Variants in CTNND2 observed in about 807,000 individuals in gnomAD.
The protein encoded by CTNND2 is catenin delta-2.
Under a neutral mutation model 144.4 loss-of-function variants are expected in CTNND2, and 22 were observed. The ratio of observed to expected loss-of-function variants is 0.15; its 90% CI spans 0.11 to 0.22. The LOEUF is 0.22. Among genes scored for constraint, CTNND2 ranks in the 10% least tolerant of loss-of-function variants. CTNND2 has a pLI of 1.00. For missense variants in CTNND2, 1,353 were observed against 1,618.8 expected, an observed-to-expected ratio of 0.84 and a Z score of 2.82; for synonymous variants, 751 against 695.6, an observed-to-expected ratio of 1.08 and a Z score of -1.25.
chr5:11,456,546 C>T (rs915480251), intron 3 of CTNND2, among the ~76,000 whole-genome samples: 1 of 152,088 alleles, frequency 6.6e-6, no homozygotes, highest in African/African-American at 2.4e-5. Flanking sequence ...ATCTATATTT[C>T]AACCCCAATA....
chr5:11,758,678 G>T (rs1789088249), intron 1 of CTNND2, among the ~76,000 whole-genome samples: 2 of 151,936 alleles, frequency 1.3e-5, no homozygotes, highest in Admixed American at 1.3e-4. Context: ...GTAAATCTTA[G>T]ATATGAGTAA....
intron 12 of CTNND2, among the ~76,000 whole-genome samples, chr5:11,148,645 G>A (rs1757463771): frequency 1.3e-5 from 2 of 152,328 alleles, no homozygotes; most frequent in Admixed American, 1.3e-4. Flanking sequence ...TGGTGCTTTG[G>A]TGCTGTCTTT....
chr5:11,769,658 G>A (rs575419574), intron 1 of CTNND2, among the ~76,000 whole-genome samples: 8 of 152,222 alleles, frequency 5.3e-5, no homozygotes, highest in African/African-American at 1.7e-4. Flanking sequence ...TATAAAACAA[G>A]ATGGTAACCA....
intron 3 of CTNND2, among the ~76,000 whole-genome samples, chr5:11,539,282 T>C (rs1774503479): frequency 1.3e-5 from 2 of 152,162 alleles, no homozygotes; most frequent in African/African-American, 2.4e-5. Context: ...TCCGGGTGAC[T>C]GACGCCTGTC....
chr5:11,133,793 C>G (rs6881497), intron 12 of CTNND2, among the ~76,000 whole-genome samples: 93,860 of 152,092 alleles, frequency 0.62, 29,031 homozygotes, highest in East Asian at 0.74. Context: ...TTGGAAAATG[C>G]GTTAACAGGG....
intron 2 of CTNND2, among the ~76,000 whole-genome samples, chr5:11,655,035 C>T (rs1019743129): frequency 6.6e-6 from 1 of 151,936 alleles, no homozygotes; most frequent in Non-Finnish European, 1.5e-5. Flanking sequence ...TCTTGCTGCC[C>T]TGTTGGAAGA....
intron 16 of CTNND2, among the ~76,000 whole-genome samples, chr5:11,057,280 C>G (rs1435606103): frequency 6.6e-6 from 1 of 152,136 alleles, no homozygotes; most frequent in Non-Finnish European, 1.5e-5. Context: ...GTGTCCCCAC[C>G]CAAATCTCAT....
chr5:11,737,186 A>C (rs796467773), intron 1 of CTNND2, among the ~76,000 whole-genome samples: 84 of 152,296 alleles, frequency 5.5e-4, no homozygotes, highest in African/African-American at 2.0e-3. Flanking sequence ...GCCCACTGGA[A>C]AGGTCATGAG....
intron 9 of CTNND2, among the ~76,000 whole-genome samples, chr5:11,325,839 GCCAGC>G (rs758123239): frequency 3.3e-5 from 5 of 151,968 alleles, no homozygotes; most frequent in Non-Finnish European, 7.4e-5. Flanking sequence ...AAAGCAACTG[GCCAGC>G]ATTCCTTCAA....
intron 3 of CTNND2, among the ~76,000 whole-genome samples, chr5:11,523,189 G>C (rs1445129080): frequency 6.6e-6 from 1 of 152,100 alleles, no homozygotes; most frequent in Non-Finnish European, 1.5e-5. Context: ...TTTTTCCAAG[G>C]CTTGTTCCAG....
At chr5:11,740,119 G>GT (rs576453830) in intron 1 of CTNND2, among the ~76,000 whole-genome samples, 6 of 152,238 alleles carry the variant, frequency 3.9e-5, no homozygotes, top group African/African-American at 1.4e-4. Flanking sequence ...ACTGCCCAAG[G>GT]TAATTTATAG....
At chr5:11,276,684 T>C (rs2149987827) in intron 9 of CTNND2, among the ~76,000 whole-genome samples, 1 of 152,318 alleles carries the variant, frequency 6.6e-6, no homozygotes, top group East Asian at 1.9e-4. Context: ...TTTGCAAATG[T>C]AATTGAGTTT....
At chr5:11,416,779 A>G (rs1245181410) in intron 3 of CTNND2, among the ~76,000 whole-genome samples, 1 of 152,212 alleles carries the variant, frequency 6.6e-6, no homozygotes, top group African/African-American at 2.4e-5. Context: ...TGCATGTTCA[A>G]CTTCAGGAAA....
intron 2 of CTNND2, among the ~76,000 whole-genome samples, chr5:11,646,922 C>T (rs946341715): frequency 6.6e-6 from 1 of 152,178 alleles, no homozygotes; most frequent in African/African-American, 2.4e-5. Flanking sequence ...AGTCTCCCTG[C>T]ACACACAGTG....
intron 3 of CTNND2, among the ~76,000 whole-genome samples, chr5:11,450,983 G>A (rs2149912618): frequency 6.7e-6 from 1 of 149,318 alleles, no homozygotes; most frequent in Non-Finnish European, 1.5e-5. Context: ...CAAAAAATAT[G>A]TTCAATCATT....
chr5:11,882,706 A>G (rs1736217587), intron 1 of CTNND2, among the ~76,000 whole-genome samples: 1 of 152,074 alleles, frequency 6.6e-6, no homozygotes, highest in Non-Finnish European at 1.5e-5. Flanking sequence ...ACTGGTTACT[A>G]TAGATTTATA....
intron 18 of CTNND2, among the ~76,000 whole-genome samples, chr5:11,000,008 C>T (rs1425474400): frequency 6.6e-6 from 1 of 152,240 alleles, no homozygotes; most frequent in Non-Finnish European, 1.5e-5. Context: ...CGTGGTCAGT[C>T]TGTTTAGTTG....
chr5:11,141,302 T>A (rs1403260075), intron 12 of CTNND2, among the ~76,000 whole-genome samples: 1 of 152,170 alleles, frequency 6.6e-6, no homozygotes, highest in Non-Finnish European at 1.5e-5. Context: ...CATTTTTTTT[T>A]TTAATTTTGT....
At chr5:11,117,684 A>T in intron 12 of CTNND2, 117 bp from the exon 13 acceptor site, 1 of 759,312 alleles carries the variant, frequency 1.3e-6, no homozygotes. Context: ...CTTTTTCAGA[A>T]TGCTTATCAA....
Sources: gnomAD v4.1 joint callset for allele counts (sites outside exome capture counted in the v4.1 genomes callset) on GRCh38, gnomAD v4.1.1 for gene constraint, MANE v1.5 for transcripts, NCBI Gene and HGNC (gene_info 2026-07-23, HGNC 2026-07-21) for gene names.